PTPRH: variants seen among roughly 807,000 people sequenced by gnomAD.
PTPRH encodes receptor-type tyrosine-protein phosphatase H.
Under a neutral mutation model 130.2 loss-of-function variants are expected in PTPRH, and 113 were observed. That is an observed-to-expected ratio of 0.87 (90% CI 0.75 to 1.01). The LOEUF (loss-of-function observed/expected upper bound fraction) is 1.01, where lower values mean the gene tolerates loss of function less well. PTPRH is among the 50% of genes least tolerant of loss of function. The pLI is 0.00. For missense variants in PTPRH, 1,430 were observed against 1,425.0 expected (o/e 1.00, Z -0.06); for synonymous variants, 556 against 577.9 (o/e 0.96, Z 0.54).
At position 55,182,018 on chromosome 19, in the gene PTPRH, C is replaced by T; in HGVS notation, c.3196G>A (p.Glu1066Lys). Residue 1066 changes from glutamate to lysine, a missense_variant and splice_region_variant, in exon 19 of 20, where the codon GAG becomes AAG. Physicochemically the swap from Glu to Lys is moderately conservative, Grantham distance 56 (BLOSUM62 1). Transcript: ENST00000376350. Reference sequence around the variant, plus strand: ...GTGTTGCTGAGGGACTGCCTCACCTCAGTCTGCACCATCAACGGCCGACTC... The same window carrying T: ...GTGTTGCTGAGGGACTGCCTCACCTTAGTCTGCACCATCAACGGCCGACTC... ...RESRPLMVQTEAQYVFLHQCI... is the reference protein window; with the variant it reads ...RESRPLMVQTKAQYVFLHQCI... 1 of 1,614,160 alleles carries T rather than the reference C, an allele frequency of 6.2e-7. No homozygotes were observed. Among genetic ancestry groups the T allele is most frequent in the Non-Finnish European group, 8.5e-7 (1 of 1,180,018 alleles).
At chr19:55,200,690 C>G (rs2086833232) in intron 6 of PTPRH, among the ~76,000 whole-genome samples, 188 bp from the exon 7 acceptor site, 1 of 152,154 alleles carries the variant, frequency 6.6e-6, no homozygotes, top group South Asian at 2.1e-4. Context: ...CGCCTGTAAT[C>G]CCAGCACTTC....
intron 2 of PTPRH, 37 bp downstream of exon 2, chr19:55,207,126 CTCT>C (rs1568931223): frequency 1.9e-6 from 3 of 1,611,104 alleles, no homozygotes; most frequent in Non-Finnish European, 2.5e-6. Context: ...GCGGTCCCAC[CTCT>C]TCGAGTGGGC....
At chr19:55,197,057 C>T in intron 9 of PTPRH, 60 bp downstream of exon 9, 1 of 1,572,488 alleles carries the variant, frequency 6.4e-7, no homozygotes. Flanking sequence ...CATCTCTCAG[C>T]TCGCAAGGAC....
intron 8 of PTPRH, among the ~76,000 whole-genome samples, chr19:55,198,405 C>T (rs2086751681): frequency 6.6e-6 from 1 of 152,144 alleles, no homozygotes; most frequent in Non-Finnish European, 1.5e-5. Flanking sequence ...TGAGGGCTCC[C>T]CCTGACCCCA....
chr19:55,189,667 G>C, intron 12 of PTPRH: 1 of 456,072 alleles, frequency 2.2e-6, no homozygotes, highest in Non-Finnish European at 4.4e-6. Flanking sequence ...TGTTAGCAAA[G>C]CTTTCCTTGA....
intron 18 of PTPRH, among the ~76,000 whole-genome samples, chr19:55,182,925 G>T (rs1229619121): frequency 6.6e-6 from 1 of 151,780 alleles, no homozygotes; most frequent in Non-Finnish European, 1.5e-5. Flanking sequence ...CTCCTGAGTA[G>T]CTTGGATCAC....
chr19:55,204,032 C>G lies in PTPRH; in HGVS notation c.636G>C (p.Arg212Ser), dbSNP rs757711687. 5.0e-6 allele frequency: 8 copies of G among 1,613,600 alleles called. 1 individual carries two copies. The South Asian group carries it at 7.7e-5, about 16-fold the overall frequency. ...RNATTAHNPV[R>S]NLRVEAQTTS... ...TGGTCTGAGCCTCCACTCTCAGGTTCCTCACTGGGTTGTGAGCTGAGAAAT... is the reference window on the plus strand; with the variant it reads ...TGGTCTGAGCCTCCACTCTCAGGTTGCTCACTGGGTTGTGAGCTGAGAAAT... The change falls in exon 5 of 20, where the codon AGG becomes AGC. Residue 212 changes from arginine to serine, a missense_variant. Arg to Ser is a moderately radical substitution (Grantham distance 110). Transcript: ENST00000376350.
At chr19:55,207,237 A>G in intron 1 of PTPRH, 38 bp from the exon 2 acceptor site, 1 of 1,607,060 alleles carries the variant, frequency 6.2e-7, no homozygotes, top group Non-Finnish European at 8.5e-7. Context: ...CAGCCTCTCA[A>G]CCACTCCTCC....
chr19:55,206,500 TG>T (rs1277919568), intron 3 of PTPRH, among the ~76,000 whole-genome samples, 188 bp downstream of exon 3: 5 of 151,638 alleles, frequency 3.3e-5, no homozygotes, highest in African/African-American at 9.7e-5. Flanking sequence ...TTAATTTTTT[TG>T]TAGAGACAGG....
chr19:55,186,104 A>G (rs1244326860), intron 16 of PTPRH, 120 bp from the exon 17 acceptor site: 1 of 1,580,316 alleles, frequency 6.3e-7, no homozygotes, highest in Admixed American at 1.7e-5. Flanking sequence ...ACAGGTCTAC[A>G]CTGAAGACGC....
chr19:55,184,380 G>T (rs566755783), intron 18 of PTPRH, among the ~76,000 whole-genome samples: 1 of 152,210 alleles, frequency 6.6e-6, no homozygotes, highest in Non-Finnish European at 1.5e-5. Context: ...CAGTAGAACT[G>T]TGTAAATGTT....
chr19:55,197,140 G>A lies in PTPRH; in HGVS notation c.1967C>T (p.Thr656Met), dbSNP rs767010813. ...ACATGTGGACGCACAGAGGCTCTGC[G>A]TGGAACTGGCTACGTCATTCCTCTC... is the stretch of plus-strand genomic sequence containing the variant. Reference protein sequence around the residue: ...WAERNDVASSTQSLCASTYPD... With the variant: ...WAERNDVASSMQSLCASTYPD... Residue 656 changes from threonine to methionine, a missense_variant, in exon 9 of 20, where the codon ACG (threonine) becomes ATG (methionine). Physicochemically the swap from Thr to Met is moderately conservative, Grantham distance 81. Transcript: ENST00000376350. The A allele has an allele frequency of 1.7e-5, 28 of 1,614,222 alleles. No homozygotes were observed. Among genetic ancestry groups the A allele is most frequent in the Admixed American group, 1.0e-4 (6 of 60,020 alleles).
At chr19:55,191,397 G>A in intron 12 of PTPRH, 104 bp downstream of exon 12, 1 of 1,354,952 alleles carries the variant, frequency 7.4e-7, no homozygotes, top group Non-Finnish European at 1.0e-6. Context: ...TGAGACCTTT[G>A]TGGGTAAATG....
At chr19:55,188,029 C>G in intron 13 of PTPRH, 49 bp downstream of exon 13, 1 of 1,486,710 alleles carries the variant, frequency 6.7e-7, no homozygotes, top group Non-Finnish European at 9.4e-7. Context: ...GGGTGGGGGT[C>G]TGGGCCACCG....
chr19:55,200,228 G>T lies in PTPRH; in HGVS notation c.1420+8C>A, dbSNP rs762668087. 17 of 1,613,822 alleles carry T rather than the reference G, an allele frequency of 1.1e-5. No homozygotes were observed. The highest frequency in any genetic ancestry group is 1.4e-5 in the Non-Finnish European group (16 of 1,179,936). Reference sequence around the variant, plus strand: ...CCAAAACAGGGAGTGGCCGTTGAGGGTTCCTACCTGTGGAGATGCTGACAT... The same window carrying T: ...CCAAAACAGGGAGTGGCCGTTGAGGTTTCCTACCTGTGGAGATGCTGACAT... On this transcript the variant is annotated splice_region_variant and intron_variant, in intron 7 of 19. Coordinates refer to ENST00000376350, the MANE Select transcript of PTPRH (RefSeq NM_002842.5).
intron 18 of PTPRH, 140 bp from the exon 19 acceptor site, chr19:55,182,291 T>A: frequency 9.7e-7 from 1 of 1,035,016 alleles, no homozygotes; most frequent in Non-Finnish European, 1.4e-6. Flanking sequence ...TTTGGGAGGC[T>A]GAGGCCGGTG....
In PTPRH at chr19:55,198,839, G is replaced by C. The variant is rs1348100195; in HGVS notation, c.1494C>G (p.Pro498=). 2 of 1,601,302 alleles carry C rather than the reference G, an allele frequency of 1.2e-6. No homozygotes were observed. The highest frequency in any genetic ancestry group is 2.2e-5 in the East Asian group (1 of 44,668). ...NSTIALRWTA[P]QGPGQSSYSY... ...TGTAGGAAGACTGGCCTGGGCCCTG[G>C]GGAGCTGTCCAGCGCAAAGCAATGG... Residue 498 remains proline (P), a synonymous_variant, in exon 8 of 20, where the codon CCC becomes CCG. Coordinates refer to ENST00000376350, the MANE Select transcript of PTPRH (RefSeq NM_002842.5).
chr19:55,205,254 A>AC, intron 4 of PTPRH, 72 bp downstream of exon 4: 1 of 1,586,684 alleles, frequency 6.3e-7, no homozygotes, highest in Non-Finnish European at 8.6e-7. Flanking sequence ...TATGGAATAG[A>AC]AATCCGCTAC....
At chr19:55,187,238 G>A (rs1302940894) in intron 14 of PTPRH, among the ~76,000 whole-genome samples, 16 of 147,356 alleles carry the variant, frequency 1.1e-4, no homozygotes, top group Middle Eastern at 3.4e-3. Flanking sequence ...CCAGCTACTC[G>A]GGAGGCTGAG....
Sources: gnomAD v4.1 joint callset for allele counts (sites outside exome capture counted in the v4.1 genomes callset) on GRCh38, gnomAD v4.1.1 for gene constraint, MANE v1.5 for transcripts, NCBI Gene and HGNC (gene_info 2026-07-23, HGNC 2026-07-21) for gene names.